DNAH7: variants seen among roughly 807,000 people sequenced by gnomAD.
DNAH7 encodes the protein axonemal beta dynein heavy chain 7.
Under a neutral mutation model 444.6 loss-of-function variants are expected in DNAH7, and 397 were observed. That is an observed-to-expected ratio of 0.89 (90% CI 0.82 to 0.97). The LOEUF is 0.97. Ranked by LOEUF, DNAH7 falls within the 50% of genes least tolerant of loss-of-function variation. DNAH7 has a pLI of 0.00. For missense variants in DNAH7, 4,902 were observed against 4,800.8 expected (o/e 1.02, Z -0.62); for synonymous variants, 1,636 against 1,624.4 (o/e 1.01, Z -0.17).
intron 21 of DNAH7, among the ~76,000 whole-genome samples, chr2:195,932,088 T>C: frequency 6.6e-6 from 1 of 152,220 alleles, no homozygotes; most frequent in Non-Finnish European, 1.5e-5. Flanking sequence ...TTGTATCCTC[T>C]TTTATTTCAT....
rs760611239 is a variant in DNAH7, at chr2:196,026,839, C to T, written c.588G>A (p.Leu196=). ...EHVLDLVPQH[L]KVFTDSIVTL... is the part of the protein sequence containing the mutation. ...TAACTATGCTGTCAGTGAAGACTTT[C>T]AGATGTTGTGGAACTAAATCCAGTA... The change falls in exon 7 of 65, where the codon CTG becomes CTA. Residue 196 remains leucine, a synonymous_variant. Transcript: ENST00000312428. 2 of 1,612,658 alleles carry T rather than the reference C, an allele frequency of 1.2e-6. No homozygotes were observed. The highest frequency in any genetic ancestry group is 8.5e-7 in the Non-Finnish European group (1 of 1,179,018).
chr2:195,916,631 G>GTGGA (rs1299008513), intron 24 of DNAH7, among the ~76,000 whole-genome samples: 1 of 152,204 alleles, frequency 6.6e-6, no homozygotes, highest in Admixed American at 6.5e-5. Flanking sequence ...GCCGAGGTGG[G>GTGGA]TGGATCACTT....
At chr2:195,832,591 T>C (rs1457516530) in intron 48 of DNAH7, among the ~76,000 whole-genome samples, 3 of 151,876 alleles carry the variant, frequency 2.0e-5, no homozygotes, top group Non-Finnish European at 4.4e-5. Flanking sequence ...CACAGGCACA[T>C]AGCACCATGC....
At chr2:195,907,115 G>C (rs762251877) in intron 25 of DNAH7, 106 bp from the exon 26 acceptor site, 16 of 805,178 alleles carry the variant, frequency 2.0e-5, no homozygotes, top group Non-Finnish European at 3.0e-5. Flanking sequence ...TCCTGTCAAA[G>C]AAATTGCTTA....
In DNAH7 at chr2:195,934,772, T is replaced by A. The variant is rs1333028466; in HGVS notation, c.3290A>T (p.Lys1097Met). ...KDPTRVQPHLKKCFEGIAKVE... is the reference protein window; with the variant it reads ...KDPTRVQPHLMKCFEGIAKVE... ...CTTTGCGATTCCTTCAAAACATTTC[T>A]TCAAGTGAGGTTGCACCCTGTCAGG... The change falls in exon 21 of 65, where the codon AAG becomes ATG. Residue 1097 changes from lysine (K) to methionine (M), a missense_variant. Lys to Met is a moderately conservative substitution (Grantham distance 95). Transcript: ENST00000312428. 1 of 1,614,126 alleles carries A rather than the reference T, an allele frequency of 6.2e-7. No homozygotes were observed. Among genetic ancestry groups the A allele is most frequent in the Non-Finnish European group, 8.5e-7 (1 of 1,179,986 alleles).
intron 18 of DNAH7, among the ~76,000 whole-genome samples, chr2:195,958,668 A>G (rs558034163): frequency 3.3e-5 from 5 of 152,340 alleles, no homozygotes; most frequent in African/African-American, 1.2e-4. Flanking sequence ...TTCTAAGTAT[A>G]GAGAATATAG....
At chr2:196,002,510 C>T (rs1353698178) in intron 10 of DNAH7, among the ~76,000 whole-genome samples, 1 of 152,166 alleles carries the variant, frequency 6.6e-6, no homozygotes, top group East Asian at 1.9e-4. Flanking sequence ...TATAAAACCA[C>T]TCTCCAACAC....
chr2:195,891,880 G>T, intron 30 of DNAH7, 76 bp from the exon 31 acceptor site: 1 of 1,208,678 alleles, frequency 8.3e-7, no homozygotes, highest in Non-Finnish European at 1.1e-6. Context: ...TGCACATACA[G>T]AAAATCCTAA....
At position 195,815,865 on chromosome 2, in the gene DNAH7, T is replaced by C. The variant is rs537033594; in HGVS notation, c.9761+763A>G. ...AAAATTAGCCGGGCATGGTGGTGGG[T>C]GCCTGTAGTCCCAGCTACTCAGGAG... On this transcript the variant is annotated intron_variant, in intron 51 of 64. Coordinates refer to ENST00000312428, the MANE Select transcript of DNAH7 (RefSeq NM_018897.3). Among the ~76,000 whole-genome samples, 4 of 152,088 alleles carry C rather than the reference T, an allele frequency of 2.6e-5. No homozygotes were observed. The South Asian group carries it at 8.3e-4, about 32-fold the overall frequency.
In DNAH7 at chr2:195,740,842, T is replaced by C; in HGVS notation, c.11792A>G (p.Asp3931Gly). ...GATCTTTCTATTCCAGGAAGCTCCA[T>C]CCAGAAATAATCCGTGAATGAAAAC... Reference protein sequence around the residue: ...DGVFIHGLFLDGASWNRKIKK... With the variant: ...DGVFIHGLFLGGASWNRKIKK... The change falls in exon 64 of 65, where the codon GAT becomes GGT. Residue 3931 changes from aspartate to glycine, a missense_variant. Physicochemically the swap from Asp to Gly is moderately conservative, Grantham distance 94 (BLOSUM62 -1). Coordinates refer to ENST00000312428, the MANE Select transcript of DNAH7 (RefSeq NM_018897.3). The C allele has an allele frequency of 1.9e-6, 3 of 1,562,196 alleles. No individual in the cohort carries two copies. The highest frequency in any genetic ancestry group is 3.7e-5 in the Admixed American group (2 of 54,414).
intron 63 of DNAH7, among the ~76,000 whole-genome samples, chr2:195,746,482 T>C (rs1693413797): frequency 6.6e-6 from 1 of 152,200 alleles, no homozygotes; most frequent in Admixed American, 6.5e-5. Context: ...AACTCAGCTC[T>C]GCACCAAGCG....
At chr2:195,981,762 T>G (rs1034650846) in intron 15 of DNAH7, among the ~76,000 whole-genome samples, 3 of 152,236 alleles carry the variant, frequency 2.0e-5, no homozygotes, top group African/African-American at 7.2e-5. Flanking sequence ...GATATTCATA[T>G]GCAGAAGAAT....
chr2:195,929,905 C>A (rs1688577203), intron 21 of DNAH7, among the ~76,000 whole-genome samples: 1 of 152,168 alleles, frequency 6.6e-6, no homozygotes, highest in African/African-American at 2.4e-5. Context: ...TTTGGCACAG[C>A]AAAAGAAACT....
At chr2:195,822,288 C>T (rs1422949288) in intron 49 of DNAH7, among the ~76,000 whole-genome samples, 1 of 152,154 alleles carries the variant, frequency 6.6e-6, no homozygotes. Context: ...GCATGTTTTG[C>T]AACTTTTACT....
At chr2:196,061,722 A>T (rs746936464) in intron 1 of DNAH7, among the ~76,000 whole-genome samples, 13 of 152,190 alleles carry the variant, frequency 8.5e-5, no homozygotes, top group Admixed American at 1.3e-4. Flanking sequence ...GGGGTGGAGA[A>T]AAAGAAAGAA....
intron 63 of DNAH7, among the ~76,000 whole-genome samples, chr2:195,741,634 C>T (rs557754042): frequency 6.6e-6 from 1 of 152,280 alleles, no homozygotes; most frequent in South Asian, 2.1e-4. Context: ...AACTTCAAAA[C>T]CTGTTTTGTC....
At chr2:195,858,337 G>T in intron 43 of DNAH7, 137 bp downstream of exon 43, 3 of 749,634 alleles carry the variant, frequency 4.0e-6, no homozygotes, top group Non-Finnish European at 3.9e-6. Context: ...GAATTCTTTT[G>T]CCAATTTCAA....
At chr2:195,997,737 G>A (rs1179881080) in intron 12 of DNAH7, among the ~76,000 whole-genome samples, 1 of 152,058 alleles carries the variant, frequency 6.6e-6, no homozygotes, top group Non-Finnish European at 1.5e-5. Context: ...TTAAGAAACA[G>A]CTATATAAAT....
At chr2:195,917,651 TC>T (rs1488170364) in intron 24 of DNAH7, among the ~76,000 whole-genome samples, 20 of 152,148 alleles carry the variant, frequency 1.3e-4, no homozygotes, top group African/African-American at 4.3e-4. Context: ...ATTCTTTTCT[TC>T]TGAGGAGGCA....
Sources: gnomAD v4.1 joint callset for allele counts (sites outside exome capture counted in the v4.1 genomes callset) on GRCh38, gnomAD v4.1.1 for gene constraint, MANE v1.5 for transcripts, NCBI Gene and HGNC (gene_info 2026-07-23, HGNC 2026-07-21) for gene names.